The following PCDHGA8 variants were observed in gnomAD, a reference collection of about 807,000 sequenced individuals.
The protein encoded by PCDHGA8 is protocadherin gamma subfamily A, 8.
PCDHGA8 carries 45 observed loss-of-function variants against 59.2 expected under a neutral mutation model. The ratio of observed to expected loss-of-function variants is 0.76; its 90% confidence interval spans 0.60 to 0.98. PCDHGA8 has a LOEUF of 0.98. Among genes scored for constraint, PCDHGA8 ranks in the 50% least tolerant of loss-of-function variants. The probability of loss-of-function intolerance (pLI) is 0.00; values close to 1 mark genes in which losing one functional copy is unlikely to be tolerated. For missense variants in PCDHGA8, 1,257 were observed against 1,196.2 expected (o/e 1.05, Z -0.75); for synonymous variants, 531 against 519.0 (o/e 1.02, Z -0.32).
At chr5:141,408,702 T>C (rs769871063) in intron 1 of PCDHGA8, 6 of 1,613,208 alleles carry the variant, frequency 3.7e-6, no homozygotes, top group South Asian at 3.3e-5. Flanking sequence ...ATAAACTCAA[T>C]TAAAGATTAT....
intron 1 of PCDHGA8, among the ~76,000 whole-genome samples, chr5:141,449,616 G>A (rs1279953840): frequency 1.6e-4 from 24 of 146,738 alleles, no homozygotes; most frequent in Non-Finnish European, 2.3e-4. Flanking sequence ...AAGTAAAAAA[G>A]TTTTTTAAAA....
chr5:141,494,115 GC>G (rs1445167222), intron 1 of PCDHGA8, among the ~76,000 whole-genome samples: 1 of 152,186 alleles, frequency 6.6e-6, no homozygotes, highest in African/African-American at 2.4e-5. Context: ...AGACAGAGCA[GC>G]CTTGTTCTCT....
In PCDHGA8 at chr5:141,485,219, A is replaced by C. The variant is rs954128321; in HGVS notation, c.2425-9588A>C. 20 of 1,613,930 alleles carry C rather than the reference A, an allele frequency of 1.2e-5. No individual in the cohort carries two copies. The highest frequency in any genetic ancestry group is 1.6e-5 in the Non-Finnish European group (19 of 1,179,944). On this transcript the variant is annotated intron_variant, in intron 1 of 3. Coordinates refer to ENST00000398604, the MANE Select transcript of PCDHGA8 (RefSeq NM_032088.2). The surrounding 1 kb of genome is among the most constrained non-coding windows in gnomAD (Gnocchi z 5.7). The stretch of plus-strand genomic sequence containing the variant: ...CTGGACAGAAATCTGGCGGTGGGCT[A>C]CCCTTTTGTTCCTCTTTTACCACCT...
In PCDHGA8 at chr5:141,490,134, C is replaced by G; in HGVS notation, c.2425-4673C>G. On this transcript the variant is annotated intron_variant, in intron 1 of 3. Transcript: ENST00000398604. This position sits in a 1 kb window ranked among gnomAD's most constrained non-coding sequence, Gnocchi z 5.4. ...GGAACCTCTTTGGCCTAGACCCTAG[C>G]AGTGGGGCAATCCATGTGTTGGGTC... The G allele has an allele frequency of 1.2e-6, 2 of 1,614,232 alleles. No homozygotes were observed. The highest frequency in any genetic ancestry group is 1.7e-6 in the Non-Finnish European group (2 of 1,180,030).
Position 141,393,430 on chromosome 5 carries a change from C to A in PCDHGA8, c.617C>A (p.Ala206Asp). Residue 206 changes from alanine to aspartate, a missense_variant, in exon 1 of 4, where the codon GCT becomes GAT. By Grantham distance (126) the Ala-to-Asp change is moderately radical. Coordinates refer to ENST00000398604, the MANE Select transcript of PCDHGA8 (RefSeq NM_032088.2). ...CGCGCCCTGGACAGGGAGGAAGAGG[C>A]TGCTCACCACCTGGTCCTCACGGCC... is the stretch of plus-strand genomic sequence containing the variant. ...LERALDREEEAAHHLVLTASD... is the reference protein window; with the variant it reads ...LERALDREEEDAHHLVLTASD... The A allele has an allele frequency of 6.2e-7, 1 of 1,614,040 alleles. No individual in the cohort carries two copies.
chr5:141,485,358 G>A lies in PCDHGA8; in HGVS notation c.2425-9449G>A, dbSNP rs372994272. The A allele has an allele frequency of 1.2e-6, 2 of 1,614,100 alleles. No homozygotes were observed. Among genetic ancestry groups the A allele is most frequent in the Admixed American group, 3.3e-5 (2 of 60,002 alleles). ...CTGGATACGGACAGTCTGTCAGCTC[G>A]CAGGCTGCAGGTCGCTGGAGAGGTG... is the stretch of plus-strand genomic sequence containing the variant. On this transcript the variant is annotated intron_variant, in intron 1 of 3. Transcript: ENST00000398604. This position sits in a 1 kb window ranked among gnomAD's most constrained non-coding sequence, Gnocchi z 5.7.
chr5:141,509,081 A>C (rs1279221589), intron 3 of PCDHGA8, among the ~76,000 whole-genome samples: 2 of 152,160 alleles, frequency 1.3e-5, no homozygotes, highest in Non-Finnish European at 2.9e-5. Flanking sequence ...GATTTGCGAC[A>C]TGAAATGGGG....
At chr5:141,409,596 A>G in intron 1 of PCDHGA8, 1 of 1,613,714 alleles carries the variant, frequency 6.2e-7, no homozygotes, top group Non-Finnish European at 8.5e-7. Flanking sequence ...GCCGAGAACA[A>G]CCCGCCAGGA....
chr5:141,421,433 C>A lies in PCDHGA8; in HGVS notation c.2424+26196C>A, dbSNP rs772564300. 5 of 1,614,074 alleles carry A rather than the reference C, an allele frequency of 3.1e-6. No homozygotes were observed. In the African/African-American group the frequency reaches 4.0e-5, roughly 13 times the overall value. On this transcript the variant is annotated intron_variant, in intron 1 of 3. Coordinates refer to ENST00000398604, the MANE Select transcript of PCDHGA8 (RefSeq NM_032088.2). ...GCGAAGCGCGGAGTCCGCATCGTCTCCAGAGGGAAGACACAGCTTTTCGCT... is the reference window on the plus strand; with the variant it reads ...GCGAAGCGCGGAGTCCGCATCGTCTACAGAGGGAAGACACAGCTTTTCGCT...
chr5:141,438,714 G>A (rs1051491309), intron 1 of PCDHGA8, among the ~76,000 whole-genome samples: 1 of 147,786 alleles, frequency 6.8e-6, no homozygotes, highest in South Asian at 2.2e-4. Flanking sequence ...AGGCTGGAGT[G>A]CAAGTGGTGT....
intron 1 of PCDHGA8, among the ~76,000 whole-genome samples, chr5:141,473,380 G>A (rs1363453338): frequency 6.6e-6 from 1 of 152,204 alleles, no homozygotes; most frequent in African/African-American, 2.4e-5. Context: ...CATGGTCCCT[G>A]CCCTCCTGGA....
intron 1 of PCDHGA8, chr5:141,399,761 G>C: frequency 1.2e-6 from 2 of 1,613,356 alleles, no homozygotes; most frequent in Non-Finnish European, 1.7e-6. Flanking sequence ...GTGAGCCTGC[G>C]CGTGTTGGTG....
chr5:141,455,400 C>G (rs537466326), intron 1 of PCDHGA8, among the ~76,000 whole-genome samples: 8 of 152,274 alleles, frequency 5.3e-5, no homozygotes, highest in Admixed American at 5.2e-4. Context: ...CTCCCCCTTA[C>G]AGAGACAGAG....
intron 1 of PCDHGA8, chr5:141,403,227 G>C (rs2094378929): frequency 1.2e-6 from 2 of 1,608,848 alleles, no homozygotes; most frequent in African/African-American, 1.3e-5. Context: ...AGGATAGACC[G>C]GGAGGAGCTC....
At chr5:141,506,103 C>T (rs1001709380) in intron 3 of PCDHGA8, among the ~76,000 whole-genome samples, 2 of 152,144 alleles carry the variant, frequency 1.3e-5, no homozygotes, top group Admixed American at 1.3e-4. Context: ...GTGGTTGTCC[C>T]TGAAGAGTCA....
chr5:141,494,775 A>G (rs1202233200), intron 1 of PCDHGA8, 32 bp from the exon 2 acceptor site: 1 of 1,613,580 alleles, frequency 6.2e-7, no homozygotes. Flanking sequence ...TCTCACGGGT[A>G]CTCAGCCCCT....
intron 1 of PCDHGA8, chr5:141,421,199 A>C (rs991814876): frequency 2.0e-6 from 3 of 1,514,716 alleles, no homozygotes; most frequent in Non-Finnish European, 2.6e-6. Context: ...CAGCTCGAGA[A>C]ACCGCGGAAT....
At chr5:141,395,424 T>C in intron 1 of PCDHGA8, 187 bp downstream of exon 1, 2 of 735,384 alleles carry the variant, frequency 2.7e-6, no homozygotes, top group Middle Eastern at 7.8e-4. Flanking sequence ...TTTCATTTGC[T>C]TTTAAACGAC....
intron 1 of PCDHGA8, chr5:141,422,092 G>C: frequency 6.2e-7 from 1 of 1,611,520 alleles, no homozygotes; most frequent in Non-Finnish European, 8.5e-7. Flanking sequence ...GGAAAGCAAG[G>C]CTTCTGAAAT....
Sources: allele counts gnomAD v4.1 joint callset (sites outside exome capture counted in the v4.1 genomes callset), GRCh38; gene constraint gnomAD v4.1.1; non-coding constraint Gnocchi (gnomAD v3.1); transcripts MANE v1.5; gene names NCBI Gene and HGNC (gene_info 2026-07-23, HGNC 2026-07-21).